The following MYO9A variants were observed in gnomAD, a reference collection of about 807,000 sequenced individuals.
MYO9A encodes the protein unconventional myosin-IXa.
Under a neutral mutation model 293.3 loss-of-function variants are expected in MYO9A, and 103 were observed. The ratio of observed to expected loss-of-function variants is 0.35; its 90% CI spans 0.30 to 0.41. The LOEUF is 0.41. Ranked by LOEUF, MYO9A falls within the 10% of genes least tolerant of loss-of-function variation. The pLI is 1.00. For synonymous variants in MYO9A, 1,001 were observed against 1,035.7 expected (o/e 0.97, Z 0.64); for missense variants, 2,685 against 3,033.0 (o/e 0.89, Z 2.69).
intron 1 of MYO9A, among the ~76,000 whole-genome samples, chr15:72,083,248 G>A (rs187822010): frequency 1.3e-5 from 2 of 152,214 alleles, no homozygotes; most frequent in Admixed American, 6.5e-5. Context: ...TGAGTCTTAG[G>A]AAGGTGTACG....
In MYO9A at chr15:71,822,954, T is replaced by C. The variant is rs2054330194; in HGVS notation, c.*3626A>G. ...AGTCTAGGGCATAGAAAAAGAGGAC[T>C]CTCACAGATACCAAGGAGTTTTACT... On this transcript the variant is annotated 3_prime_UTR_variant, in exon 42 of 42. Transcript: ENST00000356056. 6.6e-6 allele frequency: 1 copy of C among 152,106 alleles called. No homozygotes were observed. The highest frequency in any genetic ancestry group is 2.4e-5 in the African/African-American group (1 of 41,426). The allele number at this position is 152,106 out of a possible 1,614,324, so 9.4% of individuals were successfully genotyped here.
intron 4 of MYO9A, among the ~76,000 whole-genome samples, chr15:72,022,267 A>T (rs2149235291): frequency 6.6e-6 from 1 of 152,248 alleles, no homozygotes; most frequent in African/African-American, 2.4e-5. Flanking sequence ...CACACCTGTA[A>T]TCCCAGCACT....
chr15:72,083,310 G>A (rs1376138788), intron 1 of MYO9A, among the ~76,000 whole-genome samples: 4 of 152,156 alleles, frequency 2.6e-5, no homozygotes, highest in African/African-American at 9.7e-5. Context: ...TGTACACAGA[G>A]GTGTTCATAA....
chr15:71,851,589 A>T (rs1351268013), intron 36 of MYO9A, among the ~76,000 whole-genome samples: 2 of 152,176 alleles, frequency 1.3e-5, no homozygotes, highest in African/African-American at 4.8e-5. Flanking sequence ...CCTTAATAAC[A>T]GCAAGGGGAT....
At chr15:71,870,914 T>G (rs2056490692) in intron 32 of MYO9A, among the ~76,000 whole-genome samples, 3 of 152,170 alleles carry the variant, frequency 2.0e-5, no homozygotes, top group Admixed American at 1.3e-4. Context: ...ATAAAAATGG[T>G]ATTTCAAACC....
intron 1 of MYO9A, among the ~76,000 whole-genome samples, chr15:72,103,635 A>C (rs11853201): frequency 0.31 from 9,949 of 32,374 alleles, 744 homozygotes; most frequent in South Asian, 0.52. Context: ...GCAGAAGAAG[A>C]AACAGAAGAA....
chr15:72,059,411 T>C (rs955866604), intron 1 of MYO9A, among the ~76,000 whole-genome samples: 1 of 152,260 alleles, frequency 6.6e-6, no homozygotes, highest in African/African-American at 2.4e-5. Flanking sequence ...CGACTTTTGT[T>C]TGTGTTACAT....
intron 1 of MYO9A, among the ~76,000 whole-genome samples, chr15:72,096,237 T>C (rs6494988): frequency 0.95 from 144,858 of 151,764 alleles, 69,494 homozygotes; most frequent in East Asian, 1. Flanking sequence ...ACTCAGGAGG[T>C]TGAGGTGGGA....
At chr15:71,847,407 A>G in intron 39 of MYO9A, 1 of 453,732 alleles carries the variant, frequency 2.2e-6, no homozygotes, top group Non-Finnish European at 4.4e-6. Context: ...TGCATTATTA[A>G]TACATACCGA....
intron 32 of MYO9A, among the ~76,000 whole-genome samples, chr15:71,866,141 A>G (rs540337112): frequency 2.4e-4 from 36 of 152,316 alleles, no homozygotes; most frequent in African/African-American, 8.4e-4. Context: ...TGTCAACTCA[A>G]TGAAAAAGGA....
chr15:71,953,870 G>GT (rs1210049488), intron 14 of MYO9A, among the ~76,000 whole-genome samples: 1 of 114,900 alleles, frequency 8.7e-6, no homozygotes, highest in Non-Finnish European at 1.9e-5. Flanking sequence ...CTCATCAACT[G>GT]TTTTTTTGTT....
chr15:71,990,952 G>C (rs1383804112), intron 11 of MYO9A, 151 bp downstream of exon 11: 1 of 748,436 alleles, frequency 1.3e-6, no homozygotes, highest in Non-Finnish European at 1.9e-6. Flanking sequence ...ATTTACTTCG[G>C]TTATTCTTGT....
chr15:71,924,501 C>T (rs1337874640), intron 18 of MYO9A, among the ~76,000 whole-genome samples: 1 of 152,094 alleles, frequency 6.6e-6, no homozygotes, highest in Non-Finnish European at 1.5e-5. Context: ...CTTGGCCTCC[C>T]AAAGTGCTGG....
intron 1 of MYO9A, among the ~76,000 whole-genome samples, chr15:72,052,867 G>A (rs2078607542): frequency 6.6e-6 from 1 of 152,160 alleles, no homozygotes; most frequent in African/African-American, 2.4e-5. Flanking sequence ...GGTAGTGCAA[G>A]CCAAACACAG....
Position 71,898,327 on chromosome 15 carries a change from C to T in MYO9A, c.4176G>A (p.Lys1392=), listed in dbSNP as rs2057390371. 3 of 1,613,916 alleles carry T rather than the reference C, an allele frequency of 1.9e-6. No homozygotes were observed. Among genetic ancestry groups the T allele is most frequent in the Non-Finnish European group, 1.7e-6 (2 of 1,180,028 alleles). ...ACTCAGAACTGCAGACCACCATTTC[C>T]TTCATAGTTCCATCCTTCAAATGCT... ...SAEHLKDGTM[K]EMVVCSSESI... is the part of the protein sequence containing the mutation. Residue 1392 remains lysine (K), a synonymous_variant, in exon 25 of 42, where the codon AAG becomes AAA. Coordinates refer to ENST00000356056, the MANE Select transcript of MYO9A (RefSeq NM_006901.4).
At chr15:72,099,130 A>G (rs1258154991) in intron 1 of MYO9A, among the ~76,000 whole-genome samples, 1 of 152,154 alleles carries the variant, frequency 6.6e-6, no homozygotes, top group African/African-American at 2.4e-5. Context: ...CCTCATCTCT[A>G]CAAAAACTCA....
chr15:72,059,777 T>C (rs1284170830), intron 1 of MYO9A, among the ~76,000 whole-genome samples: 7 of 152,216 alleles, frequency 4.6e-5, no homozygotes. Flanking sequence ...GCATCGTCAG[T>C]TCAGTCTTTT....
Position 72,062,508 on chromosome 15 carries a change from T to C in MYO9A, c.-71-15874A>G, listed in dbSNP as rs116335387. Reference sequence around the variant, plus strand: ...TAAACTTAACAAAGACTAAAATAATTTTTAGAAATCAAACAGAAATTTGGG... The same window carrying C: ...TAAACTTAACAAAGACTAAAATAATCTTTAGAAATCAAACAGAAATTTGGG... On this transcript the variant is annotated intron_variant, in intron 1 of 41. Coordinates refer to ENST00000356056, the MANE Select transcript of MYO9A (RefSeq NM_006901.4). 9.7e-3 allele frequency among the ~76,000 whole-genome samples: 1,469 copies of C among 152,200 alleles called. 28 individuals are homozygous for C. Among genetic ancestry groups the C allele is most frequent in the African/African-American group, 0.034 (1,398 of 41,506 alleles).
At chr15:71,948,061 A>G (rs1316551199) in intron 15 of MYO9A, among the ~76,000 whole-genome samples, 1 of 152,188 alleles carries the variant, frequency 6.6e-6, no homozygotes, top group Admixed American at 6.5e-5. Context: ...GAAAGGCCAC[A>G]ATACCTTTAT....
Sources: gnomAD v4.1 joint callset for allele counts (sites outside exome capture counted in the v4.1 genomes callset) on GRCh38, gnomAD v4.1.1 for gene constraint, MANE v1.5 for transcripts, NCBI Gene and HGNC (gene_info 2026-07-23, HGNC 2026-07-21) for gene names.